The following THNSL1 variants were observed in gnomAD, a reference collection of about 807,000 sequenced individuals.
The protein encoded by THNSL1 is threonine synthase like 1.
In THNSL1, 48 loss-of-function variants were observed where a neutral mutation model predicts 50.4. The ratio of observed to expected loss-of-function variants is 0.95; its 90% confidence interval spans 0.76 to 1.21. The LOEUF is 1.21. THNSL1 is among the 50% of genes most tolerant of loss of function. The pLI, the probability that THNSL1 is intolerant of heterozygous loss-of-function variation, is 0.00. For synonymous variants in THNSL1, 309 were observed against 306.1 expected (o/e 1.01, Z -0.10); for missense variants, 896 against 871.7 (o/e 1.03, Z -0.35).
At chr10:24,973,368 T>C in the THNSL1 span, among the ~76,000 whole-genome samples, 45 of 151,664 alleles carry the variant, frequency 3.0e-4, no homozygotes, top group African/African-American at 1.1e-3. Flanking sequence ...AGTGTGGATC[T>C]GCTGAACAAA....
At chr10:25,003,103 T>C in the THNSL1 span, among the ~76,000 whole-genome samples, 2 of 152,108 alleles carry the variant, frequency 1.3e-5, no homozygotes, top group Non-Finnish European at 2.9e-5. Context: ...TTAAAATCTA[T>C]GTCTCCTCCA....
the THNSL1 span, chr10:24,990,568 C>T: frequency 6.2e-7 from 1 of 1,613,240 alleles, no homozygotes; most frequent in Non-Finnish European, 8.5e-7. Context: ...TCTTTATTTC[C>T]TCGTTTCGCT....
At chr10:24,999,125 A>G in the THNSL1 span, among the ~76,000 whole-genome samples, 1 of 152,212 alleles carries the variant, frequency 6.6e-6, no homozygotes, top group South Asian at 2.1e-4. Flanking sequence ...GTTGTTTATA[A>G]TTGAAGCCCC....
chr10:24,997,807 T>TTATATATATATATATATATATA, the THNSL1 span, among the ~76,000 whole-genome samples: 861 of 144,678 alleles, frequency 6.0e-3, 13 homozygotes, highest in African/African-American at 9.7e-3. Context: ...CACAAAGGAT[T>TTATATATATATATATATATATA]TATATATATA....
Position 25,025,221 on chromosome 10 carries a change from C to A in THNSL1, c.1998C>A (p.Ala666=), listed in dbSNP as rs780518777. 1.9e-6 allele frequency: 3 copies of A among 1,614,112 alleles called. No individual in the cohort carries two copies. The highest frequency in any genetic ancestry group is 2.2e-5 in the South Asian group (2 of 91,084). The change falls in exon 3 of 3, where the codon GCC becomes GCA. Residue 666 remains alanine (A), a synonymous_variant. Transcript: ENST00000376356. ...KTCPVIISST[A]HYSKFAPAIM... ...GCCCTGTGATTATCTCATCTACAGC[C>A]CATTACTCAAAGTTTGCACCTGCTA...
At chr10:24,962,206 C>T in the THNSL1 span, among the ~76,000 whole-genome samples, 5 of 152,106 alleles carry the variant, frequency 3.3e-5, no homozygotes, top group Non-Finnish European at 5.9e-5. Flanking sequence ...GTTATCAACT[C>T]GTTCTATACA....
chr10:25,008,471 G>A, the THNSL1 span, among the ~76,000 whole-genome samples: 1 of 152,196 alleles, frequency 6.6e-6, no homozygotes, highest in African/African-American at 2.4e-5. Context: ...TAAACAAAGA[G>A]ATGTTATAAA....
chr10:25,002,541 A>G, the THNSL1 span, among the ~76,000 whole-genome samples: 1 of 151,396 alleles, frequency 6.6e-6, no homozygotes, highest in South Asian at 2.1e-4. Flanking sequence ...ATAGATGACC[A>G]CTCTATGTTG....
the THNSL1 span, among the ~76,000 whole-genome samples, chr10:24,966,444 T>C: frequency 6.6e-6 from 1 of 152,216 alleles, no homozygotes; most frequent in Admixed American, 6.5e-5. Context: ...TGGGCCTTTT[T>C]TTGGACATCA....
chr10:25,021,037 C>T (rs1052628295), intron 1 of THNSL1, among the ~76,000 whole-genome samples: 1 of 152,172 alleles, frequency 6.6e-6, no homozygotes, highest in African/African-American at 2.4e-5. Context: ...AAGGATTAGA[C>T]TGTGCATGGC....
At chr10:25,004,288 T>C in the THNSL1 span, among the ~76,000 whole-genome samples, 1 of 152,254 alleles carries the variant, frequency 6.6e-6, no homozygotes, top group Non-Finnish European at 1.5e-5. Flanking sequence ...TTTGGGTATA[T>C]ATCCAGTTAT....
the THNSL1 span, among the ~76,000 whole-genome samples, chr10:24,997,024 C>A: frequency 6.6e-6 from 1 of 152,134 alleles, no homozygotes; most frequent in African/African-American, 2.4e-5. Flanking sequence ...GAAAAGATAA[C>A]CATCTACAAG....
chr10:24,979,244 G>A, the THNSL1 span, among the ~76,000 whole-genome samples: 4 of 152,194 alleles, frequency 2.6e-5, no homozygotes, highest in Non-Finnish European at 5.9e-5. Context: ...TATTACTGTG[G>A]ACTGTGTTAA....
the THNSL1 span, among the ~76,000 whole-genome samples, chr10:24,956,204 G>T: frequency 2.0e-5 from 3 of 151,554 alleles, no homozygotes; most frequent in African/African-American, 7.3e-5. Flanking sequence ...ATTGCATGTC[G>T]CAGGGGTTAG....
chr10:24,984,396 A>G, the THNSL1 span: 1 of 1,598,346 alleles, frequency 6.3e-7, no homozygotes, highest in Non-Finnish European at 8.5e-7. Context: ...AAAAAAAAAA[A>G]AAGTGAAGTT....
rs181285836 is a variant in THNSL1 at position 25,024,726 on chromosome 10, A to G, written c.1503A>G (p.Pro501=). 39 of 1,614,214 alleles carry G rather than the reference A, an allele frequency of 2.4e-5. No homozygotes were observed. In the Admixed American group the frequency reaches 6.3e-4, roughly 26 times the overall value. The change falls in exon 3 of 3, where the codon CCA becomes CCG. Residue 501 remains proline (P), a synonymous_variant. Transcript: ENST00000376356. Reference sequence around the variant, plus strand: ...AAGGATTTATTTCTTTTGGAAGCCCAGTCGATGTCTGTATTCCCACAGGAA... The same window carrying G: ...AAGGATTTATTTCTTTTGGAAGCCCGGTCGATGTCTGTATTCCCACAGGAA... ...VSQGFISFGS[P]VDVCIPTGNF... is the part of the protein sequence containing the mutation.
At chr10:24,954,807 A>AT in the THNSL1 span, among the ~76,000 whole-genome samples, 1 of 152,222 alleles carries the variant, frequency 6.6e-6, no homozygotes, top group Non-Finnish European at 1.5e-5. Context: ...GAGCATTAAC[A>AT]TAATACAAAA....
At chr10:24,982,187 C>T in the THNSL1 span, 1 of 152,170 alleles carries the variant, frequency 6.6e-6, no homozygotes, top group African/African-American at 2.4e-5. Context: ...AGGCCAGATT[C>T]TGAGGAATCA....
the THNSL1 span, among the ~76,000 whole-genome samples, chr10:24,975,617 G>T: frequency 6.6e-6 from 1 of 151,908 alleles, no homozygotes; most frequent in Non-Finnish European, 1.5e-5. Flanking sequence ...GTTTTATAAG[G>T]GGCTCTTCCC....
Sources: gnomAD v4.1 joint callset for allele counts (sites outside exome capture counted in the v4.1 genomes callset) on GRCh38, gnomAD v4.1.1 for gene constraint, MANE v1.5 for transcripts, NCBI Gene and HGNC (gene_info 2026-07-23, HGNC 2026-07-21) for gene names.